Variants in SEPTIN7 observed in about 807,000 individuals in gnomAD.
SEPTIN7 encodes the protein septin 7, also known as septin-7.
Under a neutral mutation model 63.3 loss-of-function variants are expected in SEPTIN7, and 10 were observed. The ratio of observed to expected loss-of-function variants is 0.16; its 90% confidence interval spans 0.10 to 0.27. The LOEUF (loss-of-function observed/expected upper bound fraction) is 0.27. Among genes scored for constraint, SEPTIN7 ranks in the 10% least tolerant of loss-of-function variants. SEPTIN7 has a pLI of 1.00. For missense variants in SEPTIN7, 310 were observed against 521.0 expected (o/e 0.59, Z 3.94); for synonymous variants, 131 against 165.3 (o/e 0.79, Z 1.59).
intron 3 of SEPTIN7, among the ~76,000 whole-genome samples, chr7:35,849,316 G>C (rs1431401313): frequency 6.6e-6 from 1 of 152,146 alleles, no homozygotes; most frequent in Non-Finnish European, 1.5e-5. Flanking sequence ...GTGTGTGTGG[G>C]AGGGGAGCAG....
At chr7:35,807,186 CTT>C (rs199730988) in intron 1 of SEPTIN7, among the ~76,000 whole-genome samples, 19 of 142,100 alleles carry the variant, frequency 1.3e-4, no homozygotes, top group Admixed American at 2.8e-4. Context: ...TTTTTTAAAA[CTT>C]TTTTTTTTTT....
At chr7:35,886,210 G>A (rs1456311329) in intron 10 of SEPTIN7, among the ~76,000 whole-genome samples, 5 of 152,186 alleles carry the variant, frequency 3.3e-5, no homozygotes, top group Admixed American at 6.5e-5. Flanking sequence ...AACTATATAA[G>A]AGAAGGCTAG....
intron 1 of SEPTIN7, among the ~76,000 whole-genome samples, chr7:35,817,254 C>G (rs767749745): frequency 6.6e-6 from 1 of 151,944 alleles, no homozygotes; most frequent in African/African-American, 2.4e-5. Context: ...AGGAGTCATT[C>G]TTTTGTATGT....
At chr7:35,816,046 T>C (rs1474939383) in intron 1 of SEPTIN7, among the ~76,000 whole-genome samples, 2 of 152,198 alleles carry the variant, frequency 1.3e-5, no homozygotes, top group African/African-American at 4.8e-5. Flanking sequence ...TGAAAGGTAG[T>C]GTACAGTACA....
chr7:35,855,458 C>T (rs1785157846), intron 3 of SEPTIN7, among the ~76,000 whole-genome samples: 1 of 152,114 alleles, frequency 6.6e-6, no homozygotes, highest in African/African-American at 2.4e-5. Flanking sequence ...CCAAATTATT[C>T]TTCAGAAAAG....
At chr7:35,857,586 A>C (rs1343588828) in intron 3 of SEPTIN7, among the ~76,000 whole-genome samples, 1 of 152,184 alleles carries the variant, frequency 6.6e-6, no homozygotes, top group Admixed American at 6.5e-5. Context: ...GATGGAAGTT[A>C]ATTTATTATT....
At chr7:35,884,498 A>T (rs1164769382) in intron 9 of SEPTIN7, among the ~76,000 whole-genome samples, 1 of 152,146 alleles carries the variant, frequency 6.6e-6, no homozygotes, top group Non-Finnish European at 1.5e-5. Flanking sequence ...TTCTGTTTTC[A>T]TATTTGAAAA....
chr7:35,887,412 C>T (rs1787328154), intron 10 of SEPTIN7, among the ~76,000 whole-genome samples: 1 of 152,208 alleles, frequency 6.6e-6, no homozygotes, highest in Non-Finnish European at 1.5e-5. Flanking sequence ...TGCAGTGGCA[C>T]GATCTTGGCT....
intron 6 of SEPTIN7, among the ~76,000 whole-genome samples, chr7:35,875,068 G>A (rs1191333439): frequency 6.6e-6 from 1 of 151,922 alleles, no homozygotes; most frequent in Non-Finnish European, 1.5e-5. Context: ...TAGATCTTCT[G>A]GACTCTCTCC....
At chr7:35,833,988 G>C (rs893175551) in intron 3 of SEPTIN7, among the ~76,000 whole-genome samples, 2 of 151,832 alleles carry the variant, frequency 1.3e-5, no homozygotes, top group African/African-American at 2.4e-5. Context: ...TTATAGCATT[G>C]GTTACCTTGT....
chr7:35,847,124 G>C (rs1784713789), intron 3 of SEPTIN7: 1 of 180,414 alleles, frequency 5.5e-6, no homozygotes, highest in Non-Finnish European at 1.2e-5. Context: ...ACACATAGAA[G>C]TTGGCCGTGT....
At chr7:35,864,058 T>G (rs543305535) in intron 4 of SEPTIN7, among the ~76,000 whole-genome samples, 1 of 151,992 alleles carries the variant, frequency 6.6e-6, no homozygotes, top group South Asian at 2.1e-4. Context: ...TGCCATTTTT[T>G]GCAGCACGTA....
At chr7:35,840,596 A>T (rs1041801273) in intron 3 of SEPTIN7, among the ~76,000 whole-genome samples, 9 of 151,946 alleles carry the variant, frequency 5.9e-5, no homozygotes, top group African/African-American at 2.2e-4. Flanking sequence ...TGTTTTTTAA[A>T]AGTTTATGCT....
chr7:35,887,596 C>T (rs1787340482), intron 10 of SEPTIN7, among the ~76,000 whole-genome samples: 1 of 152,226 alleles, frequency 6.6e-6, no homozygotes, highest in South Asian at 2.1e-4. Flanking sequence ...AACCACCTGC[C>T]TCAGCCTCCC....
intron 11 of SEPTIN7, among the ~76,000 whole-genome samples, chr7:35,891,021 C>T (rs1302312256): frequency 6.6e-6 from 1 of 152,136 alleles, no homozygotes; most frequent in Admixed American, 6.5e-5. Flanking sequence ...AAAGGACAGG[C>T]TTTAACAAAA....
chr7:35,866,618 T>C (rs1168234787), intron 4 of SEPTIN7, among the ~76,000 whole-genome samples: 1 of 152,234 alleles, frequency 6.6e-6, no homozygotes, highest in South Asian at 2.1e-4. Context: ...TTCATTCACA[T>C]TCACAGTCTT....
At chr7:35,818,498 C>T (rs968808152) in intron 1 of SEPTIN7, among the ~76,000 whole-genome samples, 1 of 151,956 alleles carries the variant, frequency 6.6e-6, no homozygotes, top group Non-Finnish European at 1.5e-5. Flanking sequence ...ATTTAATCCT[C>T]TTCTATTTCT....
chr7:35,879,735 A>T, intron 6 of SEPTIN7, 88 bp from the exon 7 acceptor site: 1 of 758,450 alleles, frequency 1.3e-6, no homozygotes, highest in Non-Finnish European at 2.3e-6. Flanking sequence ...TAAAGTAGTT[A>T]CATTGTATTT....
chr7:35,871,217 G>T (rs924027295), intron 4 of SEPTIN7, among the ~76,000 whole-genome samples: 1 of 152,042 alleles, frequency 6.6e-6, no homozygotes, highest in African/African-American at 2.4e-5. Flanking sequence ...TAAGAATTTG[G>T]CATCTCATTT....
Sources: allele counts gnomAD v4.1 joint callset (sites outside exome capture counted in the v4.1 genomes callset), GRCh38; gene constraint gnomAD v4.1.1; transcripts MANE v1.5; gene names NCBI Gene and HGNC (gene_info 2026-07-23, HGNC 2026-07-21).